The following HPSE2 variants were observed in gnomAD, a reference collection of about 807,000 sequenced individuals.
The protein encoded by HPSE2 is heparanase 2 (inactive), also known as inactive heparanase-2.
A neutral mutation model predicts 60.5 loss-of-function variants in HPSE2; 38 were observed. That is an observed-to-expected ratio of 0.63 (90% CI 0.48 to 0.82). The LOEUF (loss-of-function observed/expected upper bound fraction) is 0.82. Ranked by LOEUF, HPSE2 falls within the 40% of genes least tolerant of loss-of-function variation. The probability of loss-of-function intolerance (pLI) is 0.00; values close to 1 mark genes in which losing one functional copy is unlikely to be tolerated. For synonymous variants in HPSE2, 295 were observed against 293.2 expected, an observed-to-expected ratio of 1.01 and a Z score of -0.06; for missense variants, 713 against 740.4, an observed-to-expected ratio of 0.96 and a Z score of 0.43.
rs1196714527 is a variant in HPSE2 at position 98,941,680 on chromosome 10, A to G, written c.611-197624T>C. On this transcript the variant is annotated intron_variant, in intron 3 of 11. Transcript: ENST00000370552. ...CAAGGTAATTTATAGATTCAATGCC[A>G]TCCCCATCAAGCTACCAATGACTTT... Among the ~76,000 whole-genome samples the G allele has an allele frequency of 1.1e-4, 15 of 135,460 alleles. 2 individuals are homozygous for G. Among genetic ancestry groups the G allele is most frequent in the Non-Finnish European group, 1.9e-4 (12 of 64,718 alleles). The allele number at this position is 135,460 out of a possible 152,430, so 88.9% of individuals were successfully genotyped here. A position where few individuals can be genotyped will look rare whatever the true frequency, so the allele number is the denominator to read the frequency against.
intron 3 of HPSE2, among the ~76,000 whole-genome samples, chr10:99,101,699 T>C (rs1394746992): frequency 1.3e-5 from 2 of 152,138 alleles, no homozygotes; most frequent in Non-Finnish European, 2.9e-5. Flanking sequence ...CAGCACCACA[T>C]CTCACTTATT....
chr10:99,089,205 G>T (rs1843429840), intron 3 of HPSE2, among the ~76,000 whole-genome samples: 1 of 151,932 alleles, frequency 6.6e-6, no homozygotes, highest in Non-Finnish European at 1.5e-5. Context: ...TTTTTGTTTT[G>T]GTTGCATTTG....
chr10:98,718,276 T>C (rs1396735529), intron 5 of HPSE2, among the ~76,000 whole-genome samples: 3 of 152,186 alleles, frequency 2.0e-5, no homozygotes, highest in Non-Finnish European at 4.4e-5. Flanking sequence ...TATTAAGTAA[T>C]TCCCATTTTC....
At position 98,458,386 on chromosome 10, in the gene HPSE2, C is replaced by T. The variant is rs1940136640; in HGVS notation, c.*1188G>A. ...TCATATAGAACGTCCTCATCCCCCA[C>T]TTCACACCTGCCCAACTCAGAAGCT... is the stretch of plus-strand genomic sequence containing the variant. On this transcript the variant is annotated 3_prime_UTR_variant, in exon 12 of 12. Transcript: ENST00000370552. 6.6e-6 allele frequency: 1 copy of T among 152,244 alleles called. No individual in the cohort carries two copies. The highest frequency in any genetic ancestry group is 2.1e-4 in the South Asian group (1 of 4,828). 9.4% of individuals were successfully genotyped at this position (152,244 alleles called of 1,614,324 possible).
intron 10 of HPSE2, among the ~76,000 whole-genome samples, chr10:98,487,361 G>T (rs1271838519): frequency 2.0e-5 from 3 of 152,212 alleles, no homozygotes; most frequent in Non-Finnish European, 2.9e-5. Context: ...AATGCAAGGG[G>T]CTGCCATGAC....
At chr10:98,645,918 T>G (rs983919161) in intron 6 of HPSE2, among the ~76,000 whole-genome samples, 17 of 152,110 alleles carry the variant, frequency 1.1e-4, no homozygotes, top group Non-Finnish European at 1.8e-4. Flanking sequence ...GAGCTTGCAG[T>G]GAGCCGAGAT....
In HPSE2 at chr10:98,933,834, C is replaced by T. The variant is rs1220495743; in HGVS notation, c.611-189778G>A. Among the ~76,000 whole-genome samples the T allele has an allele frequency of 8.5e-5, 12 of 141,308 alleles. 4 individuals are homozygous for T. The highest frequency in any genetic ancestry group is 5.6e-4 in the Admixed American group (8 of 14,188). 92.7% of individuals were successfully genotyped at this position (141,308 alleles called of 152,430 possible). ...GCAAGCTCCGCCTCCTGGGTTCACG[C>T]CATTCTCCTGCCTCAGCCTCCCGAG... On this transcript the variant is annotated intron_variant, in intron 3 of 11. Transcript: ENST00000370552.
intron 3 of HPSE2, among the ~76,000 whole-genome samples, chr10:98,763,797 G>C (rs1459406230): frequency 6.6e-6 from 1 of 151,116 alleles, no homozygotes; most frequent in Non-Finnish European, 1.5e-5. Flanking sequence ...AAAAAAACTA[G>C]TAGAATCCAT....
the HPSE2 span, among the ~76,000 whole-genome samples, chr10:99,275,125 C>T: frequency 2.6e-5 from 4 of 152,264 alleles, no homozygotes; most frequent in East Asian, 7.7e-4. Flanking sequence ...AAAACAGTTC[C>T]CCCCAAATCC....
At chr10:99,148,756 C>A (rs1187000659) in intron 2 of HPSE2, among the ~76,000 whole-genome samples, 1 of 151,976 alleles carries the variant, frequency 6.6e-6, no homozygotes, top group Admixed American at 6.6e-5. Flanking sequence ...CGCCATTGCA[C>A]TCCAGCCCGG....
intron 3 of HPSE2, chr10:99,047,943 G>C: frequency 1.3e-6 from 1 of 746,372 alleles, no homozygotes; most frequent in East Asian, 2.5e-5. Context: ...GATGGTGTTA[G>C]CCCAAAGGTC....
chr10:98,469,052 G>A (rs1476692025), intron 11 of HPSE2, among the ~76,000 whole-genome samples: 1 of 152,162 alleles, frequency 6.6e-6, no homozygotes, highest in Non-Finnish European at 1.5e-5. Context: ...TAGGGATATA[G>A]GCTTTTCCTG....
intron 3 of HPSE2, among the ~76,000 whole-genome samples, chr10:99,053,190 T>C (rs1958029842): frequency 6.6e-6 from 1 of 152,042 alleles, no homozygotes. Flanking sequence ...GGGATTATAA[T>C]ATATGTAAAT....
At chr10:98,582,267 C>T (rs1263878857) in intron 9 of HPSE2, among the ~76,000 whole-genome samples, 3 of 152,142 alleles carry the variant, frequency 2.0e-5, no homozygotes, top group Non-Finnish European at 1.5e-5. Context: ...TTTTGGTTTA[C>T]ACTAAAATGT....
chr10:99,273,991 T>C, the HPSE2 span, among the ~76,000 whole-genome samples: 1 of 152,238 alleles, frequency 6.6e-6, no homozygotes, highest in Non-Finnish European at 1.5e-5. Context: ...TTAATCAATC[T>C]GGAGTCATAT....
intron 9 of HPSE2, among the ~76,000 whole-genome samples, chr10:98,601,334 A>G (rs2133943499): frequency 6.6e-6 from 1 of 152,344 alleles, no homozygotes; most frequent in African/African-American, 2.4e-5. Flanking sequence ...AGCCAAGTTG[A>G]CACATACAAT....
chr10:99,200,895 T>C (rs1294711266), intron 2 of HPSE2, among the ~76,000 whole-genome samples: 3 of 152,162 alleles, frequency 2.0e-5, no homozygotes, highest in African/African-American at 7.2e-5. Context: ...ACAAAAGTAC[T>C]TCCTACCCAT....
At chr10:98,459,802 G>T in intron 11 of HPSE2, 63 bp from the exon 12 acceptor site, 2 of 1,503,190 alleles carry the variant, frequency 1.3e-6, no homozygotes, top group Non-Finnish European at 1.8e-6. Context: ...CTGCAACAAA[G>T]CCTAGCCCCA....
intron 3 of HPSE2, among the ~76,000 whole-genome samples, chr10:98,894,693 G>A (rs1953434190): frequency 6.6e-6 from 1 of 151,958 alleles, no homozygotes; most frequent in Non-Finnish European, 1.5e-5. Context: ...AGAAAATAAT[G>A]AACAATCAGG....
Sources: gnomAD v4.1 joint callset for allele counts (sites outside exome capture counted in the v4.1 genomes callset) on GRCh38, gnomAD v4.1.1 for gene constraint, MANE v1.5 for transcripts, NCBI Gene and HGNC (gene_info 2026-07-23, HGNC 2026-07-21) for gene names.